The following ANKRD50 variants were observed in gnomAD, a reference collection of about 807,000 sequenced individuals.
The protein encoded by ANKRD50 is ankyrin repeat domain-containing protein 50.
A neutral mutation model predicts 112.0 loss-of-function variants in ANKRD50; 40 were observed. That is an observed-to-expected ratio of 0.36 (90% confidence interval 0.28 to 0.46). ANKRD50 has a LOEUF of 0.46. Among genes scored for constraint, ANKRD50 ranks in the 20% least tolerant of loss-of-function variants. ANKRD50 has a pLI of 1.00. For synonymous variants in ANKRD50, 613 were observed against 619.1 expected (o/e 0.99, Z 0.15); for missense variants, 1,487 against 1,701.7 (o/e 0.87, Z 2.22).
At chr4:124,682,109 G>A (rs1207497879) in intron 2 of ANKRD50, among the ~76,000 whole-genome samples, 4 of 151,946 alleles carry the variant, frequency 2.6e-5, no homozygotes, top group South Asian at 2.1e-4. Flanking sequence ...GAGGTCAGGA[G>A]ATCGAGACCA....
chr4:124,671,099 C>T lies in ANKRD50; in HGVS notation c.2178G>A (p.Gly726=). 1 of 1,613,802 alleles carries T rather than the reference C, an allele frequency of 6.2e-7. No homozygotes were observed. The highest frequency in any genetic ancestry group is 8.5e-7 in the Non-Finnish European group (1 of 1,179,850). ...VAALCVPASK[G]HASVVSLLID... ...TTAAAAGGCTAACAACTGATGCGTGCCCTTTACTTGCAGGCACACAAAGTG... is the reference window on the plus strand; with the variant it reads ...TTAAAAGGCTAACAACTGATGCGTGTCCTTTACTTGCAGGCACACAAAGTG... Residue 726 remains glycine (G), a synonymous_variant, in exon 4 of 5, where the codon GGG becomes GGA. Coordinates refer to ENST00000504087, the MANE Select transcript of ANKRD50 (RefSeq NM_020337.3).
At chr4:124,700,200 G>A (rs900069015) in intron 2 of ANKRD50, among the ~76,000 whole-genome samples, 3 of 152,196 alleles carry the variant, frequency 2.0e-5, no homozygotes, top group African/African-American at 7.2e-5. Flanking sequence ...AAATGTGCTG[G>A]CTGGAACATG....
Position 124,670,165 on chromosome 4 carries a change from C to T in ANKRD50, c.3112G>A (p.Val1038Ile). The change falls in exon 4 of 5, where the codon GTT (valine) becomes ATT (isoleucine). Residue 1038 changes from valine (V) to isoleucine (I), a missense_variant. By Grantham distance (29) the Val-to-Ile change is conservative (BLOSUM62 3). This residue lies in a region of ANKRD50 where 1,046 missense variants were observed against 1,269.5 expected (regional missense o/e 0.82). Coordinates refer to ENST00000504087, the MANE Select transcript of ANKRD50 (RefSeq NM_020337.3). ...GCACCTTGGTTACATGTATGGTCAA[C>T]TACAGCACCATGCTCAATCAGAAGC... is the stretch of plus-strand genomic sequence containing the variant. ...VQLLIEHGAV[V>I]DHTCNQGATA... 1 of 1,612,706 alleles carries T rather than the reference C, an allele frequency of 6.2e-7. No homozygotes were observed. The highest frequency in any genetic ancestry group is 8.5e-7 in the Non-Finnish European group (1 of 1,179,558).
At chr4:124,683,116 G>A (rs765698987) in intron 2 of ANKRD50, among the ~76,000 whole-genome samples, 14 of 151,528 alleles carry the variant, frequency 9.2e-5, no homozygotes, top group Non-Finnish European at 2.1e-4. Context: ...TATGTAATGT[G>A]TGTGTACATA....
intron 3 of ANKRD50, among the ~76,000 whole-genome samples, chr4:124,674,549 A>G (rs1578574438): frequency 6.6e-6 from 1 of 152,074 alleles, no homozygotes; most frequent in South Asian, 2.1e-4. Flanking sequence ...GGCTAAATAA[A>G]TTGCTCACAG....
At chr4:124,711,841 C>T (rs2110532668) in intron 1 of ANKRD50, among the ~76,000 whole-genome samples, 1 of 152,154 alleles carries the variant, frequency 6.6e-6, no homozygotes, top group East Asian at 1.9e-4. Context: ...GTGAATCCTT[C>T]CTTCCTCTGG....
intron 2 of ANKRD50, among the ~76,000 whole-genome samples, chr4:124,706,633 C>T (rs1474792014): frequency 6.6e-6 from 1 of 152,040 alleles, no homozygotes; most frequent in Non-Finnish European, 1.5e-5. Flanking sequence ...TTTTCATTAT[C>T]AACTTTCTAT....
At chr4:124,686,020 T>G (rs540305133) in intron 2 of ANKRD50, among the ~76,000 whole-genome samples, 189 of 152,304 alleles carry the variant, frequency 1.2e-3, no homozygotes, top group African/African-American at 4.3e-3. Context: ...GTGGTGACAC[T>G]CTTGATTTCC....
At chr4:124,679,758 A>G (rs1024819705) in intron 2 of ANKRD50, among the ~76,000 whole-genome samples, 6 of 152,182 alleles carry the variant, frequency 3.9e-5, no homozygotes, top group Non-Finnish European at 8.8e-5. Flanking sequence ...CTAATTTATC[A>G]CCATGCAAGA....
At chr4:124,692,849 C>A (rs979808086) in intron 2 of ANKRD50, among the ~76,000 whole-genome samples, 2 of 152,130 alleles carry the variant, frequency 1.3e-5, no homozygotes, top group Non-Finnish European at 2.9e-5. Flanking sequence ...TTTTAGCAGC[C>A]TGTATGGACT....
At chr4:124,707,394 G>C (rs748980642) in intron 2 of ANKRD50, among the ~76,000 whole-genome samples, 8 of 152,000 alleles carry the variant, frequency 5.3e-5, no homozygotes, top group Non-Finnish European at 7.4e-5. Context: ...TTGTCCAAAA[G>C]TAGAAGCCTA....
At position 124,710,309 on chromosome 4, in the gene ANKRD50, C is replaced by T; in HGVS notation, c.203G>A (p.Gly68Glu). ...TACCAACAACACACCCCAGGCAGCT[C>T]CCTTTCCAGAGACACCACTAGCATT... is the stretch of plus-strand genomic sequence containing the variant. ...GNNASGVSGK[G>E]AAWGVLLVGG... The change falls in exon 2 of 5, where the codon GGA becomes GAA. Residue 68 changes from glycine to glutamate, a missense_variant. Gly to Glu is a moderately conservative substitution (Grantham distance 98). Around this residue, in one of 2 missense-constraint regions of ANKRD50, gnomAD observed 1,046 missense variants for 1,269.5 expected, o/e 0.82. Transcript: ENST00000504087. 6.2e-7 allele frequency: 1 copy of T among 1,614,162 alleles called. No homozygotes were observed. Among genetic ancestry groups the T allele is most frequent in the South Asian group, 1.1e-5 (1 of 91,078 alleles).
At position 124,712,570 on chromosome 4, in the gene ANKRD50, A is replaced by G. The variant is rs1393037891; in HGVS notation, c.-876T>C. On this transcript the variant is annotated 5_prime_UTR_variant, in exon 1 of 5. Transcript: ENST00000504087. ...GCAGCGCTCCCAAGACTCCACTCCA[A>G]CTGCAGCCGCCTCCTCCGCCGGGCC... 1 of 152,928 alleles carries G rather than the reference A, an allele frequency of 6.5e-6. No individual in the cohort carries two copies. Among genetic ancestry groups the G allele is most frequent in the African/African-American group, 2.4e-5 (1 of 41,184 alleles). 9.5% of individuals were successfully genotyped at this position (152,928 alleles called of 1,614,324 possible). A position where few individuals can be genotyped will look rare whatever the true frequency, so the allele number is the denominator to read the frequency against.
Position 124,710,149 on chromosome 4 carries a change from C to T in ANKRD50, c.363G>A (p.Leu121=). Residue 121 remains leucine (L), a synonymous_variant, in exon 2 of 5, where the codon TTG becomes TTA. Coordinates refer to ENST00000504087, the MANE Select transcript of ANKRD50 (RefSeq NM_020337.3). ...GACCTCTAATAAACCCTCCAACACA[C>T]AAAGTATCAGAGTCCTGGGCTTTGC... ...HFCKAQDSDT[L]CVGGFIRGLV... 1 of 1,614,170 alleles carries T rather than the reference C, an allele frequency of 6.2e-7. No individual in the cohort carries two copies. The highest frequency in any genetic ancestry group is 8.5e-7 in the Non-Finnish European group (1 of 1,180,042).
rs1382331945 is a variant in ANKRD50, at chr4:124,669,844, C to A, written c.3433G>T (p.Asp1145Tyr). 6 of 1,612,716 alleles carry A rather than the reference C, an allele frequency of 3.7e-6. No individual in the cohort carries two copies. The highest frequency in any genetic ancestry group is 5.1e-6 in the Non-Finnish European group (6 of 1,179,632). ...SNSSGSTGGG[D>Y]MQPSLRGLPN... ...AAACCACGTAACGAAGGCTGCATAT[C>A]CCCTCCACCAGTACTACCAGAGCTA... Residue 1145 changes from aspartate (D) to tyrosine (Y), a missense_variant, in exon 4 of 5, where the codon GAT becomes TAT. Coordinates refer to ENST00000504087, the MANE Select transcript of ANKRD50 (RefSeq NM_020337.3).
chr4:124,677,408 T>C (rs1284871657), intron 3 of ANKRD50, among the ~76,000 whole-genome samples: 1 of 151,544 alleles, frequency 6.6e-6, no homozygotes, highest in African/African-American at 2.4e-5. Context: ...AACGGAAAAA[T>C]AAAAAGAGAT....
chr4:124,670,807 G>C lies in ANKRD50; in HGVS notation c.2470C>G (p.Gln824Glu). The C allele has an allele frequency of 6.2e-7, 1 of 1,613,814 alleles. No homozygotes were observed. ...GTACGTACCACCTCAACATTTCCTT[G>C]TGCTGAAGCTATACTGAGGACTGTC... is the stretch of plus-strand genomic sequence containing the variant. ...GRTVLSIASA[Q>E]GNVEVVRTLL... is the part of the protein sequence containing the mutation. Residue 824 changes from glutamine to glutamate, a missense_variant, in exon 4 of 5, where the codon CAA (glutamine) becomes GAA (glutamate). By Grantham distance (29) the Gln-to-Glu change is conservative. Transcript: ENST00000504087.
At position 124,669,993 on chromosome 4, in the gene ANKRD50, T is replaced by G. The variant is rs771797868; in HGVS notation, c.3284A>C (p.Lys1095Thr). Residue 1095 changes from lysine to threonine, a missense_variant, in exon 4 of 5, where the codon AAA (lysine) becomes ACA (threonine). By Grantham distance (78) the Lys-to-Thr change is moderately conservative. Transcript: ENST00000504087. Reference sequence around the variant, plus strand: ...AGATGCACCATATTTTTCTAATAATTTAATTATCTGAGAATGTCCATTTTT... The same window carrying G: ...AGATGCACCATATTTTTCTAATAATGTAATTATCTGAGAATGTCCATTTTT... ...AAKNGHSQII[K>T]LLEKYGASSL... 3 of 1,608,764 alleles carry G rather than the reference T, an allele frequency of 1.9e-6. No homozygotes were observed. The highest frequency in any genetic ancestry group is 2.5e-6 in the Non-Finnish European group (3 of 1,178,806).
intron 3 of ANKRD50, among the ~76,000 whole-genome samples, chr4:124,675,722 T>C (rs562894721): frequency 6.6e-6 from 1 of 151,936 alleles, no homozygotes; most frequent in African/African-American, 2.4e-5. Flanking sequence ...AAATAATCTT[T>C]TAAAAATCTT....
Sources: allele counts gnomAD v4.1 joint callset (sites outside exome capture counted in the v4.1 genomes callset), GRCh38; gene constraint gnomAD v4.1.1; regional missense constraint gnomAD v4.1.1; transcripts MANE v1.5; gene names NCBI Gene and HGNC (gene_info 2026-07-23, HGNC 2026-07-21).